ACER2: variants seen among roughly 807,000 people sequenced by gnomAD.
ACER2 encodes alkCDase 2.
ACER2 carries 26 observed loss-of-function variants against 34.7 expected under a neutral mutation model. That is an observed-to-expected ratio of 0.75 (90% CI 0.55 to 1.04). ACER2 has a LOEUF of 1.04. Among genes scored for constraint, ACER2 ranks in the 50% least tolerant of loss-of-function variants. ACER2 has a pLI of 0.00. For missense variants in ACER2, 352 were observed against 340.8 expected (o/e 1.03, Z -0.26); for synonymous variants, 138 against 132.1 (o/e 1.04, Z -0.31).
chr9:19,417,277 T>C (rs1230943888), intron 1 of ACER2, among the ~76,000 whole-genome samples: 1 of 152,086 alleles, frequency 6.6e-6, no homozygotes, highest in Non-Finnish European at 1.5e-5. Context: ...AGAATCAAAA[T>C]CATGAAAATG....
intron 3 of ACER2, among the ~76,000 whole-genome samples, chr9:19,426,833 A>G (rs529931575): frequency 1.3e-5 from 2 of 152,256 alleles, no homozygotes; most frequent in East Asian, 3.9e-4. Flanking sequence ...AAGCTGAGGC[A>G]GGAAGATCTC....
intron 1 of ACER2, among the ~76,000 whole-genome samples, chr9:19,414,789 T>G (rs891433980): frequency 5.4e-5 from 8 of 149,370 alleles, no homozygotes; most frequent in African/African-American, 2.0e-4. Flanking sequence ...GAGCATGCAG[T>G]GAGCCAAGAT....
intron 1 of ACER2, among the ~76,000 whole-genome samples, chr9:19,412,881 A>G (rs1032407096): frequency 6.6e-6 from 1 of 152,142 alleles, no homozygotes; most frequent in African/African-American, 2.4e-5. Context: ...ATCAATCCTT[A>G]TTGATGGACA....
intron 1 of ACER2, among the ~76,000 whole-genome samples, chr9:19,423,456 G>A (rs190942694): frequency 1.2e-3 from 181 of 152,268 alleles, no homozygotes; most frequent in African/African-American, 4.3e-3. Flanking sequence ...ATCCCAGCAC[G>A]TTGGGAGGCT....
At chr9:19,433,649 C>T (rs1410292222) in intron 3 of ACER2, among the ~76,000 whole-genome samples, 11 of 152,254 alleles carry the variant, frequency 7.2e-5, no homozygotes, top group African/African-American at 2.4e-5. Flanking sequence ...CATCCTGGCC[C>T]GTTCTCAATG....
At chr9:19,415,521 C>T (rs199523711) in intron 1 of ACER2, among the ~76,000 whole-genome samples, 5 of 146,508 alleles carry the variant, frequency 3.4e-5, no homozygotes, top group African/African-American at 7.4e-5. Flanking sequence ...AATAAATAAA[C>T]AAATAAATAA....
chr9:19,450,272 C>T (rs1352712224), intron 5 of ACER2, 178 bp from the exon 6 acceptor site: 4 of 985,274 alleles, frequency 4.1e-6, no homozygotes, highest in African/African-American at 1.7e-5. Context: ...GAAGATTTAT[C>T]ATCCTGCTAT....
intron 5 of ACER2, among the ~76,000 whole-genome samples, chr9:19,447,054 C>A (rs1435432412): frequency 6.6e-6 from 1 of 151,848 alleles, no homozygotes; most frequent in East Asian, 1.9e-4. Context: ...TTACAAAATA[C>A]ATGCAGAATC....
chr9:19,431,048 A>G (rs1830739758), intron 3 of ACER2, among the ~76,000 whole-genome samples: 1 of 152,022 alleles, frequency 6.6e-6, no homozygotes, highest in Admixed American at 6.6e-5. Flanking sequence ...CCTTTAAACC[A>G]TTTGGCAGTA....
chr9:19,439,375 C>G (rs558013194), intron 4 of ACER2, among the ~76,000 whole-genome samples: 9 of 140,572 alleles, frequency 6.4e-5, no homozygotes, highest in Non-Finnish European at 1.2e-4. Flanking sequence ...TAGTCTCGCT[C>G]TGTCACCCAG....
rs775615026 is a variant in ACER2, at chr9:19,434,992, G to A, written c.411G>A (p.Thr137=). The A allele has an allele frequency of 2.5e-6, 4 of 1,614,024 alleles. No homozygotes were observed. The highest frequency in any genetic ancestry group is 2.2e-5 in the East Asian group (1 of 44,888). Residue 137 remains threonine (T), a synonymous_variant, in exon 4 of 6, where the codon ACG becomes ACA. Transcript: ENST00000340967. ...TCAGTGTCCTGTCTGCGGTTACGACGTGCCTGGCATTTGTCAAGCCTGCCA... is the reference window on the plus strand; with the variant it reads ...TCAGTGTCCTGTCTGCGGTTACGACATGCCTGGCATTTGTCAAGCCTGCCA... ...VVVSVLSAVT[T]CLAFVKPAIN...
intron 4 of ACER2, among the ~76,000 whole-genome samples, chr9:19,439,988 A>G (rs1467712961): frequency 6.6e-6 from 1 of 151,748 alleles, no homozygotes; most frequent in Admixed American, 6.6e-5. Flanking sequence ...GCCCCCAAAG[A>G]AAGCTCCCTT....
Position 19,451,754 on chromosome 9 carries a change from T to C in ACER2, c.*1118T>C, listed in dbSNP as rs955941444. The stretch of plus-strand genomic sequence containing the variant: ...CTCACAATTGTGGTGGGGGTTCTGG[T>C]TCAAAATTTGGAGCAAACATGAAGT... On this transcript the variant is annotated 3_prime_UTR_variant, in exon 6 of 6. Transcript: ENST00000340967. 3 of 152,172 alleles carry C rather than the reference T, an allele frequency of 2.0e-5. No individual in the cohort carries two copies. The highest frequency in any genetic ancestry group is 7.2e-5 in the African/African-American group (3 of 41,428). 9.4% of individuals were successfully genotyped at this position (152,172 alleles called of 1,614,324 possible).
intron 3 of ACER2, among the ~76,000 whole-genome samples, chr9:19,433,331 T>G (rs980206993): frequency 1.3e-5 from 2 of 151,928 alleles, no homozygotes; most frequent in Non-Finnish European, 2.9e-5. Flanking sequence ...CCCTGGGTAC[T>G]TGAGATTAGG....
intron 5 of ACER2, among the ~76,000 whole-genome samples, chr9:19,449,281 A>T (rs1365002470): frequency 1.3e-5 from 2 of 152,228 alleles, no homozygotes; most frequent in African/African-American, 4.8e-5. Flanking sequence ...CCATATAGGC[A>T]ACACCCAGAT....
chr9:19,427,640 C>CT (rs1357111015), intron 3 of ACER2, among the ~76,000 whole-genome samples: 4 of 108,004 alleles, frequency 3.7e-5, no homozygotes, highest in African/African-American at 1.4e-4. Flanking sequence ...CCCCTCCTTT[C>CT]TTTTCTCTTC....
At chr9:19,449,980 A>C (rs141362399) in intron 5 of ACER2, among the ~76,000 whole-genome samples, 2 of 152,314 alleles carry the variant, frequency 1.3e-5, no homozygotes, top group African/African-American at 4.8e-5. Flanking sequence ...TTGTACAGGT[A>C]CAGTGAGGAT....
intron 1 of ACER2, among the ~76,000 whole-genome samples, chr9:19,413,111 G>C (rs996665628): frequency 6.6e-6 from 1 of 152,132 alleles, no homozygotes; most frequent in East Asian, 1.9e-4. Context: ...CAATGTTTGG[G>C]CATACAAAAC....
At chr9:19,431,485 G>C (rs1415513004) in intron 3 of ACER2, among the ~76,000 whole-genome samples, 1 of 152,196 alleles carries the variant, frequency 6.6e-6, no homozygotes, top group Non-Finnish European at 1.5e-5. Flanking sequence ...GGACATTTCT[G>C]ATTATGTGTT....
Sources: allele counts gnomAD v4.1 joint callset (sites outside exome capture counted in the v4.1 genomes callset), GRCh38; gene constraint gnomAD v4.1.1; transcripts MANE v1.5; gene names NCBI Gene and HGNC (gene_info 2026-07-23, HGNC 2026-07-21).